The following MAML2 variants were observed in gnomAD, a reference collection of about 807,000 sequenced individuals.
The protein encoded by MAML2 is mastermind-like protein 2.
A neutral mutation model predicts 96.1 loss-of-function variants in MAML2; 22 were observed. The ratio of observed to expected loss-of-function variants is 0.23; its 90% CI spans 0.16 to 0.33. The LOEUF is 0.33. MAML2 is among the 10% of genes least tolerant of loss of function. The pLI, the probability that MAML2 is intolerant of heterozygous loss-of-function variation, is 1.00. For missense variants in MAML2, 1,367 were observed against 1,392.4 expected, an observed-to-expected ratio of 0.98 and a Z score of 0.29; for synonymous variants, 561 against 521.3, an observed-to-expected ratio of 1.08 and a Z score of -1.04.
At chr11:96,158,777 A>G (rs1271204326) in intron 1 of MAML2, among the ~76,000 whole-genome samples, 1 of 152,194 alleles carries the variant, frequency 6.6e-6, no homozygotes, top group Non-Finnish European at 1.5e-5. Flanking sequence ...GCCTGGGTAA[A>G]GATAGAGTTT....
chr11:96,307,243 C>T (rs181072201), intron 1 of MAML2, among the ~76,000 whole-genome samples: 175 of 152,284 alleles, frequency 1.1e-3, no homozygotes, highest in Non-Finnish European at 1.9e-3. Flanking sequence ...TAGAACTGTG[C>T]TCATTATCAT....
intron 2 of MAML2, among the ~76,000 whole-genome samples, chr11:96,030,955 C>T (rs1858604885): frequency 6.6e-6 from 1 of 152,202 alleles, no homozygotes; most frequent in South Asian, 2.1e-4. Context: ...TGCATTCTCT[C>T]TTTCCTTCCT....
intron 1 of MAML2, among the ~76,000 whole-genome samples, chr11:96,314,321 C>T (rs1046347614): frequency 1.2e-4 from 18 of 152,258 alleles, no homozygotes; most frequent in African/African-American, 3.4e-4. Context: ...GGGCCTGCTA[C>T]AGATGGTCTT....
intron 1 of MAML2, among the ~76,000 whole-genome samples, chr11:96,275,618 T>G (rs1421831155): frequency 6.6e-6 from 1 of 152,118 alleles, no homozygotes; most frequent in Non-Finnish European, 1.5e-5. Context: ...CAACTTAAAG[T>G]GAAATTCAAC....
intron 1 of MAML2, among the ~76,000 whole-genome samples, chr11:96,282,344 C>G (rs1300516036): frequency 6.6e-6 from 1 of 151,954 alleles, no homozygotes; most frequent in African/African-American, 2.4e-5. Flanking sequence ...AGAAGAGTCA[C>G]AATGAAATTC....
chr11:96,070,521 G>A (rs1425296695), intron 2 of MAML2, among the ~76,000 whole-genome samples: 1 of 152,208 alleles, frequency 6.6e-6, no homozygotes, highest in Non-Finnish European at 1.5e-5. Context: ...TGCTAGCCAG[G>A]GAAGCTGCTT....
chr11:96,171,620 G>A (rs561591653), intron 1 of MAML2, among the ~76,000 whole-genome samples: 2 of 152,332 alleles, frequency 1.3e-5, no homozygotes, highest in East Asian at 3.9e-4. Flanking sequence ...TAATGAAACA[G>A]AAAACAGGTA....
intron 1 of MAML2, among the ~76,000 whole-genome samples, chr11:96,119,958 A>ATTT (rs55920936): frequency 0.81 from 109,921 of 135,756 alleles, 45,189 homozygotes; most frequent in South Asian, 0.88. Context: ...GAAGATTCAG[A>ATTT]TTTTTTTTTT....
At position 95,979,119 on chromosome 11, in the gene MAML2, A is replaced by G; in HGVS notation, c.3300T>C (p.Thr1100=). The change falls in exon 5 of 5, where the codon ACT becomes ACC. Residue 1100 remains threonine (T), a synonymous_variant. Transcript: ENST00000524717. ...PNQSSRAFQG[T]DHSSDLAFDF... is the part of the protein sequence containing the mutation. ...CAAAAGCTAAGTCACTGCTGTGGTC[A>G]GTTCCTTGAAAAGCCCTGGAACTTT... 6.2e-7 allele frequency: 1 copy of G among 1,614,032 alleles called. No homozygotes were observed. The highest frequency in any genetic ancestry group is 1.6e-4 in the Middle Eastern group (1 of 6,062).
chr11:96,088,204 T>A (rs1221538985), intron 2 of MAML2, among the ~76,000 whole-genome samples: 1 of 152,164 alleles, frequency 6.6e-6, no homozygotes. Context: ...GGCTTTAAAC[T>A]AAGGAGGCAA....
At position 95,985,612 on chromosome 11, in the gene MAML2, G is replaced by A. The variant is rs929710318; in HGVS notation, c.2374C>T (p.Arg792Ter). ...TCTGGAGGTGGCCTTGACAAATGTC[G>A]GTTTATCTGATCTTGTGGAGCAATT... ...EKIAPQDQIN[R>*]HLSRPPPDYK... Residue 792 changes from arginine to a stop codon, truncating the protein, a stop_gained, in exon 4 of 5, where the codon CGA (arginine) becomes TGA (stop). Transcript: ENST00000524717. LOFTEE classifies it high-confidence loss of function. The A allele has an allele frequency of 4.3e-6, 7 of 1,611,784 alleles. No homozygotes were observed. The highest frequency in any genetic ancestry group is 5.9e-6 in the Non-Finnish European group (7 of 1,178,654).
intron 1 of MAML2, among the ~76,000 whole-genome samples, chr11:96,214,451 T>TA (rs1398474429): frequency 6.6e-6 from 1 of 152,220 alleles, no homozygotes; most frequent in Non-Finnish European, 1.5e-5. Flanking sequence ...TTAAATGTGA[T>TA]AAAGAATGTA....
intron 1 of MAML2, among the ~76,000 whole-genome samples, chr11:96,268,361 C>A (rs1486230184): frequency 6.6e-6 from 1 of 152,078 alleles, no homozygotes; most frequent in East Asian, 1.9e-4. Flanking sequence ...GTGGTGTACT[C>A]CTGTAGTCCT....
At chr11:96,310,031 C>T (rs1863515751) in intron 1 of MAML2, among the ~76,000 whole-genome samples, 1 of 152,002 alleles carries the variant, frequency 6.6e-6, no homozygotes, top group African/African-American at 2.4e-5. Context: ...CTGAAGTTTC[C>T]AAAATGTATA....
At chr11:96,275,249 C>T (rs1417093603) in intron 1 of MAML2, among the ~76,000 whole-genome samples, 5 of 138,232 alleles carry the variant, frequency 3.6e-5, no homozygotes, top group Non-Finnish European at 6.4e-5. Flanking sequence ...GCATTTTCTT[C>T]TTTATCCAAA....
At chr11:96,231,607 C>T (rs1862294593) in intron 1 of MAML2, among the ~76,000 whole-genome samples, 1 of 152,162 alleles carries the variant, frequency 6.6e-6, no homozygotes, top group African/African-American at 2.4e-5. Flanking sequence ...TAGGACTTGA[C>T]TGGAAACTGC....
chr11:96,183,600 G>T (rs1162402349), intron 1 of MAML2, among the ~76,000 whole-genome samples: 1 of 150,626 alleles, frequency 6.6e-6, no homozygotes, highest in East Asian at 2.0e-4. Flanking sequence ...AGCAACAGGG[G>T]GATCTCCCTG....
At chr11:96,196,480 A>G (rs553669473) in intron 1 of MAML2, among the ~76,000 whole-genome samples, 1 of 152,360 alleles carries the variant, frequency 6.6e-6, no homozygotes, top group East Asian at 1.9e-4. Context: ...AGACGTGTAA[A>G]AAAATCACAT....
intron 2 of MAML2, among the ~76,000 whole-genome samples, chr11:96,046,678 T>G (rs1322045780): frequency 6.6e-6 from 1 of 152,130 alleles, no homozygotes; most frequent in East Asian, 1.9e-4. Context: ...CAGGAAGATT[T>G]TTTCCTTCCT....
Sources: gnomAD v4.1 joint callset for allele counts (sites outside exome capture counted in the v4.1 genomes callset) on GRCh38, gnomAD v4.1.1 for gene constraint, MANE v1.5 for transcripts, NCBI Gene and HGNC (gene_info 2026-07-23, HGNC 2026-07-21) for gene names.